Variants in ARL3 observed in about 807,000 individuals in gnomAD.
The protein encoded by ARL3 is ADP-ribosylation factor-like protein 3.
A neutral mutation model predicts 26.0 loss-of-function variants in ARL3; 9 were observed. The ratio of observed to expected loss-of-function variants is 0.35; its 90% CI spans 0.21 to 0.60. The LOEUF (loss-of-function observed/expected upper bound fraction) is 0.60. Ranked by LOEUF, ARL3 falls within the 20% of genes least tolerant of loss-of-function variation. The pLI is 0.78. For synonymous variants in ARL3, 71 were observed against 78.4 expected (o/e 0.91, Z 0.50); for missense variants, 158 against 215.7 (o/e 0.73, Z 1.67).
chr10:102,675,085 G>A lies in ARL3; in HGVS notation c.*1809C>T, dbSNP rs2064123557. ...CTAGAGCCACATTTGCAGCCTGGTAGAAGGGGGATTTCTGATTCCTTATAA... is the reference window on the plus strand; with the variant it reads ...CTAGAGCCACATTTGCAGCCTGGTAAAAGGGGGATTTCTGATTCCTTATAA... On this transcript the variant is annotated 3_prime_UTR_variant, in exon 6 of 6. Coordinates refer to ENST00000260746, the MANE Select transcript of ARL3 (RefSeq NM_004311.4). 1 of 152,262 alleles carries A rather than the reference G, an allele frequency of 6.6e-6. No homozygotes were observed. Among genetic ancestry groups the A allele is most frequent in the African/African-American group, 2.4e-5 (1 of 41,458 alleles). The allele number at this position is 152,262 out of a possible 1,614,324, so 9.4% of individuals were successfully genotyped here. A position where few individuals can be genotyped will look rare whatever the true frequency, so the allele number is the denominator to read the frequency against.
intron 2 of ARL3, among the ~76,000 whole-genome samples, chr10:102,700,770 C>CTT (rs34708600): frequency 0.018 from 1,778 of 98,598 alleles, 103 homozygotes; most frequent in African/African-American, 0.052. Flanking sequence ...AGCCGGAAGT[C>CTT]TTTTTTTTTT....
intron 3 of ARL3, among the ~76,000 whole-genome samples, chr10:102,692,670 C>A (rs755749336): frequency 6.6e-6 from 1 of 151,648 alleles, no homozygotes; most frequent in East Asian, 2.0e-4. Flanking sequence ...CCCACCTCAG[C>A]CTCCCAAAGT....
At chr10:102,689,978 C>T (rs766829052) in intron 3 of ARL3, 35 bp from the exon 4 acceptor site, 4 of 1,463,908 alleles carry the variant, frequency 2.7e-6, no homozygotes, top group Non-Finnish European at 3.8e-6. Flanking sequence ...TTTCAGTGAG[C>T]AGAGATGGAA....
intron 5 of ARL3, among the ~76,000 whole-genome samples, chr10:102,681,697 G>A (rs936067551): frequency 1.3e-5 from 2 of 152,148 alleles, no homozygotes; most frequent in African/African-American, 2.4e-5. Flanking sequence ...CCCAGGGCAC[G>A]ATCTGCTGGC....
chr10:102,696,834 G>A (rs1267716122), intron 3 of ARL3, among the ~76,000 whole-genome samples: 1 of 152,148 alleles, frequency 6.6e-6, no homozygotes, highest in East Asian at 1.9e-4. Context: ...TGAGGCTGAG[G>A]GACTTACCAG....
chr10:102,708,908 ATTTT>A (rs1554864095), intron 1 of ARL3, among the ~76,000 whole-genome samples: 4 of 95,350 alleles, frequency 4.2e-5, no homozygotes, highest in African/African-American at 1.7e-4. Context: ...ATATATATAT[ATTTT>A]TTTTTTTTTT....
intron 4 of ARL3, among the ~76,000 whole-genome samples, chr10:102,687,179 T>C (rs890294655): frequency 2.6e-5 from 4 of 151,116 alleles, no homozygotes; most frequent in Non-Finnish European, 5.9e-5. Flanking sequence ...GCGCCCGGCA[T>C]AGGAATCCAC....
chr10:102,708,908 A>ATATATATATATATATATTTTT, intron 1 of ARL3, among the ~76,000 whole-genome samples: 1 of 95,342 alleles, frequency 1.0e-5, no homozygotes, highest in African/African-American at 4.2e-5. Flanking sequence ...ATATATATAT[A>ATATATATATATATATATTTTT]TTTTTTTTTT....
At chr10:102,686,064 T>C (rs1184030231) in intron 4 of ARL3, 63 bp from the exon 5 acceptor site, 4 of 1,257,988 alleles carry the variant, frequency 3.2e-6, no homozygotes, top group Admixed American at 2.5e-5. Context: ...TATTTAACCA[T>C]ACACTACTTT....
At chr10:102,685,573 C>T (rs145149721) in intron 5 of ARL3, among the ~76,000 whole-genome samples, 338 of 152,344 alleles carry the variant, frequency 2.2e-3, no homozygotes, top group African/African-American at 7.7e-3. Context: ...AATCCTCAGT[C>T]TTCTGTTCTC....
chr10:102,674,664 G>T lies in ARL3; in HGVS notation c.*2230C>A, dbSNP rs2064121537. The T allele has an allele frequency of 6.6e-6, 1 of 152,212 alleles. No homozygotes were observed. The highest frequency in any genetic ancestry group is 1.5e-5 in the Non-Finnish European group (1 of 68,050). 9.4% of individuals were successfully genotyped at this position (152,212 alleles called of 1,614,324 possible). A position where few individuals can be genotyped will look rare whatever the true frequency, so the allele number is the denominator to read the frequency against. ...GGAAGAGGCAAGAGGGCTTTAAAAA[G>T]TATTTTGTTTTTAAATGGGAGCTTT... On this transcript the variant is annotated 3_prime_UTR_variant, in exon 6 of 6. Transcript: ENST00000260746.
At chr10:102,710,096 T>C (rs2064330262) in intron 1 of ARL3, among the ~76,000 whole-genome samples, 1 of 152,190 alleles carries the variant, frequency 6.6e-6, no homozygotes, top group Non-Finnish European at 1.5e-5. Flanking sequence ...ATACAGTGCT[T>C]CTACATTTCT....
rs545203667 is a variant in ARL3, at chr10:102,696,539, C to T, written c.264+2834G>A. 5.5e-4 allele frequency among the ~76,000 whole-genome samples: 84 copies of T among 152,340 alleles called. 1 individual carries two copies. Among genetic ancestry groups the T allele is most frequent in the South Asian group, 2.1e-3 (10 of 4,826 alleles). On this transcript the variant is annotated intron_variant, in intron 3 of 5. Coordinates refer to ENST00000260746, the MANE Select transcript of ARL3 (RefSeq NM_004311.4). ...TCAGCCTCCCAAAGTGCTGGGATTA[C>T]AGGCGTGAGCCACCGCACCCGGCCA...
intron 5 of ARL3, among the ~76,000 whole-genome samples, chr10:102,682,946 G>A (rs1423977777): frequency 6.6e-6 from 1 of 152,194 alleles, no homozygotes; most frequent in Non-Finnish European, 1.5e-5. Context: ...GGGCATTTCA[G>A]TAATTATTGC....
At chr10:102,684,858 G>C (rs34349481) in intron 5 of ARL3, among the ~76,000 whole-genome samples, 48,358 of 150,680 alleles carry the variant, frequency 0.32, 8,162 homozygotes, top group African/African-American at 0.37. Context: ...GGCCAGGCTG[G>C]TCTCGAACCC....
At position 102,689,762 on chromosome 10, in the gene ARL3, A is replaced by G. The variant is rs569192635; in HGVS notation, c.315+131T>C. On this transcript the variant is annotated intron_variant, in intron 4 of 5. Transcript: ENST00000260746. ...AGAATTGCTTGAACCTGGGAGGCGG[A>G]GGTTGGGGTGAGCCGAGATCATGCC... The G allele has an allele frequency of 1.0e-4, 43 of 425,954 alleles. No individual in the cohort carries two copies. The East Asian group carries it at 1.8e-3, about 18-fold the overall frequency. 26.4% of individuals were successfully genotyped at this position (425,954 alleles called of 1,614,324 possible).
intron 5 of ARL3, 143 bp from the exon 6 acceptor site, chr10:102,677,084 C>G: frequency 1.2e-6 from 1 of 856,712 alleles, no homozygotes; most frequent in Non-Finnish European, 1.9e-6. Context: ...CTCAGGGGCC[C>G]ACCTGGGTGA....
chr10:102,700,126 T>G (rs559434249), intron 2 of ARL3, among the ~76,000 whole-genome samples: 2 of 152,284 alleles, frequency 1.3e-5, no homozygotes, highest in South Asian at 4.1e-4. Context: ...AAATTGTGCT[T>G]TCAGGCTGGG....
At chr10:102,677,022 G>A in intron 5 of ARL3, 81 bp from the exon 6 acceptor site, 1 of 1,490,732 alleles carries the variant, frequency 6.7e-7, no homozygotes, top group Non-Finnish European at 9.3e-7. Flanking sequence ...GGCGGGCAGT[G>A]GGGGTCCCAG....
Sources: allele counts gnomAD v4.1 joint callset (sites outside exome capture counted in the v4.1 genomes callset), GRCh38; gene constraint gnomAD v4.1.1; transcripts MANE v1.5; gene names NCBI Gene and HGNC (gene_info 2026-07-23, HGNC 2026-07-21).